The following ITGB8 variants were observed in gnomAD, a reference collection of about 807,000 sequenced individuals.
ITGB8 encodes integrin beta-8.
A neutral mutation model predicts 89.5 loss-of-function variants in ITGB8; 30 were observed. The observed-to-expected ratio is 0.34, with a 90% CI of 0.25 to 0.45. ITGB8 has a LOEUF of 0.45. Among genes scored for constraint, ITGB8 ranks in the 20% least tolerant of loss-of-function variants. The pLI is 1.00. For synonymous variants in ITGB8, 335 were observed against 320.4 expected, an observed-to-expected ratio of 1.05 and a Z score of -0.49; for missense variants, 836 against 933.3, an observed-to-expected ratio of 0.90 and a Z score of 1.36.
intron 6 of ITGB8, among the ~76,000 whole-genome samples, chr7:20,390,337 T>TA (rs1236383970): frequency 1.3e-5 from 2 of 152,152 alleles, no homozygotes; most frequent in African/African-American, 4.8e-5. Context: ...GATAAGTATC[T>TA]AGCTATGAAC....
Position 20,404,764 on chromosome 7 carries a change from GT to G in ITGB8, c.1825del (p.Cys609ValfsTer75). 6.2e-7 allele frequency: 1 copy of G among 1,614,202 alleles called. No individual in the cohort carries two copies. Among genetic ancestry groups the G allele is most frequent in the Non-Finnish European group, 8.5e-7 (1 of 1,180,034 alleles). ...TGTGCAGTGGAAGAGGCACGTGTGT[GT>G]GTGGAAGGTGTGAGTGCACCGATCC... The part of the protein sequence containing the change: ...QVCSGRGTCV[C>X]GRCECTDPRS... On this transcript the variant is annotated frameshift_variant, in exon 11 of 14. Coordinates refer to ENST00000222573, the MANE Select transcript of ITGB8 (RefSeq NM_002214.3). LOFTEE classifies it high-confidence loss of function.
chr7:20,360,725 A>G (rs1454591003), intron 1 of ITGB8, among the ~76,000 whole-genome samples: 4 of 151,886 alleles, frequency 2.6e-5, no homozygotes, highest in Non-Finnish European at 5.9e-5. Flanking sequence ...TATATATACC[A>G]GATTTTCTTT....
chr7:20,361,099 G>T (rs76346350), intron 1 of ITGB8, among the ~76,000 whole-genome samples: 2 of 151,770 alleles, frequency 1.3e-5, no homozygotes, highest in Non-Finnish European at 2.9e-5. Context: ...TTTCTCTAAT[G>T]ATCGGTGATG....
At chr7:20,381,523 G>A (rs1786392518) in intron 5 of ITGB8, 3 of 465,086 alleles carry the variant, frequency 6.5e-6, no homozygotes, top group Non-Finnish European at 1.1e-5. Context: ...CTCTAGCCAG[G>A]AACTAGTGTG....
intron 6 of ITGB8, 61 bp downstream of exon 6, chr7:20,381,946 T>G: frequency 7.1e-7 from 1 of 1,400,612 alleles, no homozygotes; most frequent in Non-Finnish European, 9.8e-7. Context: ...AATTTTAAAT[T>G]GGCAACTCAA....
At chr7:20,404,366 G>C (rs898497116) in intron 10 of ITGB8, among the ~76,000 whole-genome samples, 1 of 152,206 alleles carries the variant, frequency 6.6e-6, no homozygotes, top group Admixed American at 6.5e-5. Context: ...AAGTAGTCTG[G>C]CAGCCACTGA....
chr7:20,413,995 A>C lies in ITGB8; in HGVS notation c.*3998A>C, dbSNP rs1787852172. ...TATAATTCCTCTATAGCAAATTTTT[A>C]TGTATAACTGATTATACATATCCAT... On this transcript the variant is annotated 3_prime_UTR_variant, in exon 14 of 14. Transcript: ENST00000222573. 1 of 152,056 alleles carries C rather than the reference A, an allele frequency of 6.6e-6. No individual in the cohort carries two copies. 9.4% of individuals were successfully genotyped at this position (152,056 alleles called of 1,614,324 possible). A position where few individuals can be genotyped will look rare whatever the true frequency, so the allele number is the denominator to read the frequency against.
At chr7:20,392,617 T>C (rs1354933752) in intron 7 of ITGB8, among the ~76,000 whole-genome samples, 2 of 152,194 alleles carry the variant, frequency 1.3e-5, no homozygotes, top group African/African-American at 4.8e-5. Context: ...TCAGGGTGTC[T>C]GTCACTCGAA....
chr7:20,378,533 T>C (rs1786247905), intron 3 of ITGB8, among the ~76,000 whole-genome samples: 1 of 152,216 alleles, frequency 6.6e-6, no homozygotes, highest in Non-Finnish European at 1.5e-5. Flanking sequence ...GTACCAGAGT[T>C]TTCTCATCTC....
intron 7 of ITGB8, among the ~76,000 whole-genome samples, chr7:20,393,746 G>A (rs1453419468): frequency 2.0e-5 from 3 of 152,030 alleles, no homozygotes; most frequent in Non-Finnish European, 4.4e-5. Flanking sequence ...GCCCACCCTC[G>A]CTTCTCATGT....
chr7:20,405,919 A>G, intron 11 of ITGB8, 143 bp from the exon 12 acceptor site: 1 of 568,370 alleles, frequency 1.8e-6, no homozygotes, highest in East Asian at 2.9e-5. Flanking sequence ...CTTCGATGTA[A>G]TGATGGAGTT....
chr7:20,343,844 A>G (rs545355911), intron 1 of ITGB8, among the ~76,000 whole-genome samples: 1 of 152,298 alleles, frequency 6.6e-6, no homozygotes, highest in South Asian at 2.1e-4. Context: ...TTCTATGGCC[A>G]TTTATATTCT....
rs1327559100 is a variant in ITGB8 at position 20,410,646 on chromosome 7, T to A, written c.*649T>A. The A allele has an allele frequency of 6.6e-6, 1 of 152,654 alleles. No individual in the cohort carries two copies. The highest frequency in any genetic ancestry group is 1.5e-5 in the Non-Finnish European group (1 of 68,058). The allele number at this position is 152,654 out of a possible 1,614,324, so 9.5% of individuals were successfully genotyped here. A position where few individuals can be genotyped will look rare whatever the true frequency, so the allele number is the denominator to read the frequency against. On this transcript the variant is annotated 3_prime_UTR_variant, in exon 14 of 14. Coordinates refer to ENST00000222573, the MANE Select transcript of ITGB8 (RefSeq NM_002214.3). Reference sequence around the variant, plus strand: ...TACTAATTCCAGCATTCTCTCCTCTTTGCCTTTATGTTTTGTTTTCTTTTT... The same window carrying A: ...TACTAATTCCAGCATTCTCTCCTCTATGCCTTTATGTTTTGTTTTCTTTTT...
Position 20,362,519 on chromosome 7 carries a change from C to G in ITGB8, c.128-1118C>G, listed in dbSNP as rs111318942. Among the ~76,000 whole-genome samples the G allele has an allele frequency of 1.3e-3, 203 of 152,292 alleles. 2 individuals are homozygous for G. The highest frequency in any genetic ancestry group is 4.7e-3 in the African/African-American group (197 of 41,570). Reference sequence around the variant, plus strand: ...CCCTCTTCCTCCACCCCTACTCATCCCTCTCTAAAGCAGAGTGAGAGGCAC... The same window carrying G: ...CCCTCTTCCTCCACCCCTACTCATCGCTCTCTAAAGCAGAGTGAGAGGCAC... On this transcript the variant is annotated intron_variant, in intron 1 of 13. Transcript: ENST00000222573.
intron 10 of ITGB8, among the ~76,000 whole-genome samples, chr7:20,403,750 AGAAG>A (rs1335210993): frequency 1.3e-5 from 2 of 150,002 alleles, no homozygotes; most frequent in Non-Finnish European, 3.0e-5. Flanking sequence ...GGAGAGAGAT[AGAAG>A]GAAGGAAGGG....
Position 20,363,555 on chromosome 7 carries a change from T to C in ITGB8, c.128-82T>C, listed in dbSNP as rs908696148. The C allele has an allele frequency of 5.7e-6, 4 of 702,170 alleles. No homozygotes were observed. In the African/African-American group the frequency reaches 7.3e-5, roughly 13 times the overall value. 43.5% of individuals were successfully genotyped at this position (702,170 alleles called of 1,614,324 possible). On this transcript the variant is annotated intron_variant, in intron 1 of 13. Coordinates refer to ENST00000222573, the MANE Select transcript of ITGB8 (RefSeq NM_002214.3). ...TTCAGTTTTTCATTTGTTTCAATTGTTCATTTGTTTCATTTTAGTCTAGAA... is the reference window on the plus strand; with the variant it reads ...TTCAGTTTTTCATTTGTTTCAATTGCTCATTTGTTTCATTTTAGTCTAGAA...
At position 20,395,071 on chromosome 7, in the gene ITGB8, G is replaced by C; in HGVS notation, c.1146+86G>C. On this transcript the variant is annotated intron_variant, in intron 8 of 13. Coordinates refer to ENST00000222573, the MANE Select transcript of ITGB8 (RefSeq NM_002214.3). ...GTACAAAGTAGTGCCATGTCATCTC[G>C]AGAGGAGGAGTAGAAAGCATATTAG... The C allele has an allele frequency of 5.4e-6, 4 of 734,764 alleles. No individual in the cohort carries two copies. In the South Asian group the frequency reaches 6.8e-5, roughly 13 times the overall value. The allele number at this position is 734,764 out of a possible 1,614,324, so 45.5% of individuals were successfully genotyped here.
In ITGB8 at chr7:20,386,746, T is replaced by G. The variant is rs575252276; in HGVS notation, c.961-4657T>G. On this transcript the variant is annotated intron_variant, in intron 6 of 13. Transcript: ENST00000222573. Reference sequence around the variant, plus strand: ...AGCCTGGCTCTGCTTGTGTAATGCCTTTCAAATGGGGTAAAATTATGGTTT... The same window carrying G: ...AGCCTGGCTCTGCTTGTGTAATGCCGTTCAAATGGGGTAAAATTATGGTTT... Among the ~76,000 whole-genome samples the G allele has an allele frequency of 5.3e-5, 8 of 152,188 alleles. No homozygotes were observed. The South Asian group carries it at 1.7e-3, about 32-fold the overall frequency.
intron 3 of ITGB8, among the ~76,000 whole-genome samples, chr7:20,367,939 G>A (rs1052315625): frequency 3.9e-5 from 6 of 152,100 alleles, no homozygotes; most frequent in Admixed American, 2.6e-4. Flanking sequence ...ACACAGATGC[G>A]CACCACTCAA....
Sources: allele counts gnomAD v4.1 joint callset (sites outside exome capture counted in the v4.1 genomes callset), GRCh38; gene constraint gnomAD v4.1.1; transcripts MANE v1.5; gene names NCBI Gene and HGNC (gene_info 2026-07-23, HGNC 2026-07-21).